The following ANO6 variants were observed in gnomAD, a reference collection of about 807,000 sequenced individuals.
The protein encoded by ANO6 is anoctamin 6, also known as anoctamin-6.
Under a neutral mutation model 117.5 loss-of-function variants are expected in ANO6, and 106 were observed. That is an observed-to-expected ratio of 0.90 (90% CI 0.77 to 1.06). ANO6 has a LOEUF of 1.06. Among genes scored for constraint, ANO6 ranks in the 50% least tolerant of loss-of-function variants. The pLI, the probability that ANO6 is intolerant of heterozygous loss-of-function variation, is 0.00. For missense variants in ANO6, 955 were observed against 1,121.1 expected, an observed-to-expected ratio of 0.85 and a Z score of 2.12; for synonymous variants, 367 against 385.1, an observed-to-expected ratio of 0.95 and a Z score of 0.55.
At chr12:45,327,974 C>T (rs984680179) in intron 2 of ANO6, among the ~76,000 whole-genome samples, 1 of 152,116 alleles carries the variant, frequency 6.6e-6, no homozygotes, top group Non-Finnish European at 1.5e-5. Flanking sequence ...AGGAAGCAGA[C>T]AGTGTGACTT....
chr12:45,419,625 T>G (rs1382208727), intron 17 of ANO6, among the ~76,000 whole-genome samples: 8 of 152,236 alleles, frequency 5.3e-5, no homozygotes, highest in Admixed American at 5.2e-4. Flanking sequence ...AAACCATATG[T>G]TCAGATGAAT....
At chr12:45,233,793 C>A (rs1947608324) in intron 1 of ANO6, among the ~76,000 whole-genome samples, 1 of 152,126 alleles carries the variant, frequency 6.6e-6, no homozygotes, top group Non-Finnish European at 1.5e-5. Flanking sequence ...CCACATGGTC[C>A]CTGCAAGCAC....
chr12:45,367,717 G>GCAA lies in ANO6; in HGVS notation c.1029_1031dup (p.Gly343_Lys344insAsn). 6.2e-7 allele frequency: 1 copy of GCAA among 1,612,886 alleles called. No individual in the cohort carries two copies. The highest frequency in any genetic ancestry group is 8.5e-7 in the Non-Finnish European group (1 of 1,179,554). On this transcript the variant is annotated inframe_insertion, in exon 9 of 20. Transcript: ENST00000320560. ...GAAGTTTGTCATCCTGATATTGGTG[G>GCAA]CAAGATCATAATGTGTCCTCAGTGT...
At chr12:45,232,069 A>G (rs1054624557) in intron 1 of ANO6, among the ~76,000 whole-genome samples, 10 of 152,218 alleles carry the variant, frequency 6.6e-5, no homozygotes, top group Non-Finnish European at 1.3e-4. Context: ...ATGTGCATAG[A>G]GATTTCATTT....
chr12:45,249,684 A>G (rs1947874302), intron 1 of ANO6, among the ~76,000 whole-genome samples: 1 of 152,178 alleles, frequency 6.6e-6, no homozygotes, highest in Non-Finnish European at 1.5e-5. Context: ...TTAATATTTC[A>G]TGTAAATTTA....
At chr12:45,232,221 T>C (rs1231325224) in intron 1 of ANO6, among the ~76,000 whole-genome samples, 1 of 152,200 alleles carries the variant, frequency 6.6e-6, no homozygotes, top group East Asian at 1.9e-4. Context: ...AAATAAAAAC[T>C]AAAAATGTAC....
rs1277076428 is a variant in ANO6, at chr12:45,430,124, ATAAT to A, written c.*818_*821del. 2.0e-6 allele frequency: 2 copies of A among 985,314 alleles called. No homozygotes were observed. The highest frequency in any genetic ancestry group is 1.1e-4 in the East Asian group (1 of 8,834). 61.0% of individuals were successfully genotyped at this position (985,314 alleles called of 1,614,324 possible). A position where few individuals can be genotyped will look rare whatever the true frequency, so the allele number is the denominator to read the frequency against. ...AGCATTTTAACTCATGTTGATCTGG[ATAAT>A]TAATCTTTTCTAAAGATGTGTAGTT... On this transcript the variant is annotated 3_prime_UTR_variant, in exon 20 of 20. Transcript: ENST00000320560.
intron 19 of ANO6, among the ~76,000 whole-genome samples, chr12:45,424,136 A>T (rs571708888): frequency 6.6e-6 from 1 of 151,778 alleles, no homozygotes; most frequent in African/African-American, 2.4e-5. Flanking sequence ...ACAGGTTTCT[A>T]TTTAAACATG....
At chr12:45,223,193 A>T (rs1403921480) in intron 1 of ANO6, among the ~76,000 whole-genome samples, 1 of 152,106 alleles carries the variant, frequency 6.6e-6, no homozygotes, top group Non-Finnish European at 1.5e-5. Context: ...TGTCGTGGGA[A>T]CCCCAATTTA....
At chr12:45,271,965 A>G (rs1028433879) in intron 1 of ANO6, among the ~76,000 whole-genome samples, 1 of 152,208 alleles carries the variant, frequency 6.6e-6, no homozygotes, top group Non-Finnish European at 1.5e-5. Context: ...AAGAGCCTTC[A>G]TATTGGAGAG....
intron 8 of ANO6, among the ~76,000 whole-genome samples, chr12:45,365,568 C>A (rs1397976628): frequency 1.3e-5 from 2 of 152,172 alleles, no homozygotes; most frequent in African/African-American, 4.8e-5. Context: ...AGCTGCTAGG[C>A]AGGTCAAATA....
intron 19 of ANO6, among the ~76,000 whole-genome samples, chr12:45,427,936 C>CAA (rs35996135): frequency 0.024 from 1,517 of 62,684 alleles, 32 homozygotes; most frequent in African/African-American, 0.04. Context: ...GACTCTGCCT[C>CAA]AAAAAAAAAA....
intron 3 of ANO6, among the ~76,000 whole-genome samples, chr12:45,340,615 A>G (rs1394144258): frequency 1.3e-5 from 2 of 152,176 alleles, no homozygotes; most frequent in Non-Finnish European, 2.9e-5. Context: ...AGTAAGGCAC[A>G]TAGATAATTT....
At chr12:45,320,634 T>A (rs939536881) in intron 2 of ANO6, among the ~76,000 whole-genome samples, 5 of 152,202 alleles carry the variant, frequency 3.3e-5, no homozygotes, top group African/African-American at 1.2e-4. Flanking sequence ...ATCTATTAGG[T>A]CCACTTGGTG....
Position 45,429,440 on chromosome 12 carries a change from G to A in ANO6, c.*129G>A. Reference sequence around the variant, plus strand: ...GTCTCAACTATTGCCATTTCCTCATGTATTATTTTTCAGTTTCAGCTAGCG... The same window carrying A: ...GTCTCAACTATTGCCATTTCCTCATATATTATTTTTCAGTTTCAGCTAGCG... On this transcript the variant is annotated 3_prime_UTR_variant, in exon 20 of 20. Coordinates refer to ENST00000320560, the MANE Select transcript of ANO6 (RefSeq NM_001025356.3). 1 of 1,498,386 alleles carries A rather than the reference G, an allele frequency of 6.7e-7. No homozygotes were observed. Among genetic ancestry groups the A allele is most frequent in the South Asian group, 1.3e-5 (1 of 77,320 alleles). 92.8% of individuals were successfully genotyped at this position (1,498,386 alleles called of 1,614,324 possible). A position where few individuals can be genotyped will look rare whatever the true frequency, so the allele number is the denominator to read the frequency against.
Position 45,348,156 on chromosome 12 carries a change from T to C in ANO6, c.474T>C (p.Phe158=), listed in dbSNP as rs1356980909. 12 of 1,614,114 alleles carry C rather than the reference T, an allele frequency of 7.4e-6. No homozygotes were observed. The highest frequency in any genetic ancestry group is 1.0e-5 in the Non-Finnish European group (12 of 1,179,984). ...ATCTGAAAAACCGGTCCTCAGCCTT[T>C]GGTACACTCAACTGGTTTACCAAAG... ...PNDLKNRSSA[F]GTLNWFTKVL... The change falls in exon 5 of 20, where the codon TTT becomes TTC. Residue 158 remains phenylalanine, a synonymous_variant. Coordinates refer to ENST00000320560, the MANE Select transcript of ANO6 (RefSeq NM_001025356.3).
At chr12:45,331,234 T>G in intron 2 of ANO6, 61 bp from the exon 3 acceptor site, 2 of 1,447,708 alleles carry the variant, frequency 1.4e-6, no homozygotes, top group Non-Finnish European at 9.5e-7. Context: ...AAATTAACAC[T>G]TATAAGTCAG....
At chr12:45,438,964 C>T (rs528672745) in intron 19 of ANO6, among the ~76,000 whole-genome samples, 42 of 152,314 alleles carry the variant, frequency 2.8e-4, no homozygotes, top group African/African-American at 8.9e-4. Context: ...ATAAATGCCT[C>T]ATCTGTCCTG....
downstream of ANO6, among the ~76,000 whole-genome samples, chr12:45,432,721 C>T (rs997829231): frequency 1.4e-4 from 21 of 152,174 alleles, no homozygotes; most frequent in Non-Finnish European, 2.6e-4. Context: ...TTTTAAAATA[C>T]TCGTTATATG....
Sources: gnomAD v4.1 joint callset for allele counts (sites outside exome capture counted in the v4.1 genomes callset) on GRCh38, gnomAD v4.1.1 for gene constraint, MANE v1.5 for transcripts, NCBI Gene and HGNC (gene_info 2026-07-23, HGNC 2026-07-21) for gene names.